The following CHRNA10 variants were observed in gnomAD, a reference collection of about 807,000 sequenced individuals.
CHRNA10 encodes neuronal acetylcholine receptor subunit alpha-10.
CHRNA10 carries 31 observed loss-of-function variants against 36.0 expected under a neutral mutation model. The ratio of observed to expected loss-of-function variants is 0.86; its 90% CI spans 0.65 to 1.16. The LOEUF is 1.16. CHRNA10 is among the 50% of genes most tolerant of loss of function. CHRNA10 has a pLI of 0.00. For synonymous variants in CHRNA10, 302 were observed against 287.0 expected (o/e 1.05, Z -0.53); for missense variants, 648 against 640.9 (o/e 1.01, Z -0.12).
At chr11:3,668,621 C>T (rs904910809) in intron 3 of CHRNA10, 1 of 152,192 alleles carries the variant, frequency 6.6e-6, no homozygotes, top group Non-Finnish European at 1.5e-5. Flanking sequence ...CGCTGCCTTT[C>T]GAGGCCTGGA....
chr11:3,669,939 A>G lies in CHRNA10; in HGVS notation c.64T>C (p.Cys22Arg). 1 of 1,613,908 alleles carries G rather than the reference A, an allele frequency of 6.2e-7. No individual in the cohort carries two copies. The highest frequency in any genetic ancestry group is 8.5e-7 in the Non-Finnish European group (1 of 1,179,940). The part of the protein sequence containing the change: ...LLLLFLLPAE[C>R]LGAEGRLALK... ...GCCAGCCGGCCCTCAGCTCCCAGGC[A>G]CTCTGGAGGGTCAGTAAGGAGGGTT... The change falls in exon 2 of 5, where the codon TGC becomes CGC. Residue 22 changes from cysteine (C) to arginine (R), a missense_variant and splice_region_variant. By Grantham distance (180) the Cys-to-Arg change is radical. Transcript: ENST00000250699.
At position 3,666,515 on chromosome 11, in the gene CHRNA10, G is replaced by A. The variant is rs746919498; in HGVS notation, c.945C>T (p.Leu315=). 1.9e-6 allele frequency: 3 copies of A among 1,586,978 alleles called. No individual in the cohort carries two copies. The Admixed American group carries it at 5.3e-5, about 28-fold the overall frequency. Residue 315 remains leucine (L), a synonymous_variant, in exon 5 of 5, where the codon CTC becomes CTT. Coordinates refer to ENST00000250699, the MANE Select transcript of CHRNA10 (RefSeq NM_020402.4). ...AATGCAGGTTCATGATAAGGATGGT[G>A]AGTGCTGTTGAGAATGTGACCATGG... The part of the protein sequence containing the change: ...TMTMVTFSTA[L]TILIMNLHYC...
rs373616972 is a variant in CHRNA10 at position 3,669,834 on chromosome 11, C to A, written c.169G>T (p.Val57Leu). Residue 57 changes from valine to leucine, a missense_variant, in exon 2 of 5, where the codon GTG becomes TTG. Coordinates refer to ENST00000250699, the MANE Select transcript of CHRNA10 (RefSeq NM_020402.4). The stretch of plus-strand genomic sequence containing the variant: ...TGGGACAGTGTCACCTCCAGGGTCA[C>A]ATTCAGAGTCTGGTCTGTGTCTGCC... ...PVADTDQTLNVTLEVTLSQII... is the reference protein window; with the variant it reads ...PVADTDQTLNLTLEVTLSQII... The A allele has an allele frequency of 4.5e-5, 73 of 1,614,056 alleles. No homozygotes were observed. Among genetic ancestry groups the A allele is most frequent in the Non-Finnish European group, 6.1e-5 (72 of 1,180,028 alleles).
At chr11:3,671,183 G>A (rs2077711109) in intron 1 of CHRNA10, 69 bp downstream of exon 1, 10 of 1,467,100 alleles carry the variant, frequency 6.8e-6, no homozygotes, top group Non-Finnish European at 9.6e-6. Context: ...TACATGGAAA[G>A]GGATTTTGGG....
chr11:3,666,297 C>T lies in CHRNA10; in HGVS notation c.1163G>A (p.Cys388Tyr), dbSNP rs1433991712. Residue 388 changes from cysteine (C) to tyrosine (Y), a missense_variant, in exon 5 of 5, where the codon TGT becomes TAT. By Grantham distance (194) the Cys-to-Tyr change is radical. Coordinates refer to ENST00000250699, the MANE Select transcript of CHRNA10 (RefSeq NM_020402.4). ...CAGTAGGGCTTCCTGGCGGCACAGA[C>T]ATCGTGGCTCGTGGCAAGGGCCCGC... ...PPAGPCHEPR[C>Y]LCRQEALLHH... 1.2e-6 allele frequency: 2 copies of T among 1,613,434 alleles called. No individual in the cohort carries two copies. Among genetic ancestry groups the T allele is most frequent in the East Asian group, 4.5e-5 (2 of 44,888 alleles).
rs2077701735 is a variant in CHRNA10, at chr11:3,669,933, C to G, written c.70G>C (p.Gly24Arg). 6.2e-7 allele frequency: 1 copy of G among 1,614,038 alleles called. No homozygotes were observed. Among genetic ancestry groups the G allele is most frequent in the South Asian group, 1.1e-5 (1 of 91,084 alleles). ...LLFLLPAECLGAEGRLALKLF... is the reference protein window; with the variant it reads ...LLFLLPAECLRAEGRLALKLF... ...TTGAGAGCCAGCCGGCCCTCAGCTC[C>G]CAGGCACTCTGGAGGGTCAGTAAGG... Residue 24 changes from glycine (G) to arginine (R), a missense_variant, in exon 2 of 5, where the codon GGA (glycine) becomes CGA (arginine). Physicochemically the swap from Gly to Arg is moderately radical, Grantham distance 125. Transcript: ENST00000250699.
chr11:3,668,189 C>G (rs998030276), intron 3 of CHRNA10, among the ~76,000 whole-genome samples: 1 of 152,208 alleles, frequency 6.6e-6, no homozygotes, highest in East Asian at 1.9e-4. Flanking sequence ...GAACTAAGGC[C>G]TCTCCCATGA....
rs763873348 is a variant in CHRNA10 at position 3,669,900 on chromosome 11, G to C, written c.103C>G (p.Arg35Gly). ...AEGRLALKLF[R>G]DLFANYTSAL... The stretch of plus-strand genomic sequence containing the variant: ...CTTGTGTAGTTGGCAAAGAGGTCAC[G>C]GAACAGCTTGAGAGCCAGCCGGCCC... Residue 35 changes from arginine (R) to glycine (G), a missense_variant, in exon 2 of 5, where the codon CGT (arginine) becomes GGT (glycine). Transcript: ENST00000250699. 6.2e-7 allele frequency: 1 copy of C among 1,614,146 alleles called. No individual in the cohort carries two copies. The highest frequency in any genetic ancestry group is 1.7e-5 in the Admixed American group (1 of 60,018).
In CHRNA10 at chr11:3,665,938, T is replaced by C; in HGVS notation, c.*169A>G. 1 of 561,486 alleles carries C rather than the reference T, an allele frequency of 1.8e-6. No individual in the cohort carries two copies. Among genetic ancestry groups the C allele is most frequent in the African/African-American group, 1.9e-5 (1 of 53,290 alleles). 34.8% of individuals were successfully genotyped at this position (561,486 alleles called of 1,614,324 possible). ...GGCTCTGGACTTCCTTTAGTTAGGG[T>C]GTGTAGACAATGAGTGCTCCCTTGT... On this transcript the variant is annotated 3_prime_UTR_variant, in exon 5 of 5. Coordinates refer to ENST00000250699, the MANE Select transcript of CHRNA10 (RefSeq NM_020402.4).
At chr11:3,666,654 C>T in intron 4 of CHRNA10, 90 bp from the exon 5 acceptor site, 1 of 1,027,286 alleles carries the variant, frequency 9.7e-7, no homozygotes, top group East Asian at 2.6e-5. Flanking sequence ...GGAAATAAGC[C>T]CACCATGAAG....
Position 3,667,468 on chromosome 11 carries a change from G to T in CHRNA10, c.659C>A (p.Ser220Tyr). Residue 220 changes from serine (S) to tyrosine (Y), a missense_variant, in exon 4 of 5, where the codon TCC becomes TAC. By Grantham distance (144) the Ser-to-Tyr change is moderately radical. Transcript: ENST00000250699. Reference protein sequence around the residue: ...RRRVLTYGCCSEPYPDVTFTL... With the variant: ...RRRVLTYGCCYEPYPDVTFTL... Reference sequence around the variant, plus strand: ...GAAGGTGACGTCGGGGTAGGGCTCGGAGCAGCAGCCGTAGGTGAGCACGCG... The same window carrying T: ...GAAGGTGACGTCGGGGTAGGGCTCGTAGCAGCAGCCGTAGGTGAGCACGCG... 6.3e-7 allele frequency: 1 copy of T among 1,592,776 alleles called. No homozygotes were observed.
rs995273623 is a variant in CHRNA10 at position 3,669,423 on chromosome 11, T to G, written c.208-73A>C. On this transcript the variant is annotated intron_variant, in intron 2 of 4. Transcript: ENST00000250699. The stretch of plus-strand genomic sequence containing the variant: ...CCTGCCCTGTCTGTGCACACTCCCC[T>G]GCAGGGCTCTGGTCAGCACCCACAA... 1.5e-5 allele frequency: 24 copies of G among 1,551,526 alleles called. No homozygotes were observed. The Admixed American group carries it at 1.8e-4, about 11-fold the overall frequency.
rs2133976326 is a variant in CHRNA10 at position 3,669,919 on chromosome 11, C to A, written c.84G>T (p.Arg28=). 6.2e-7 allele frequency: 1 copy of A among 1,614,172 alleles called. No homozygotes were observed. The highest frequency in any genetic ancestry group is 1.7e-4 in the Middle Eastern group (1 of 6,060). ...LPAECLGAEG[R]LALKLFRDLF... ...GGTCACGGAACAGCTTGAGAGCCAG[C>A]CGGCCCTCAGCTCCCAGGCACTCTG... The change falls in exon 2 of 5, where the codon CGG becomes CGT. Residue 28 remains arginine, a synonymous_variant. Coordinates refer to ENST00000250699, the MANE Select transcript of CHRNA10 (RefSeq NM_020402.4).
chr11:3,670,047 C>T (rs1376890464), intron 1 of CHRNA10, 106 bp from the exon 2 acceptor site: 4 of 1,244,746 alleles, frequency 3.2e-6, no homozygotes, highest in African/African-American at 3.0e-5. Context: ...GAGTGTCCTC[C>T]TGGTGTCTGC....
intron 3 of CHRNA10, chr11:3,668,941 G>A (rs2077691791): frequency 2.4e-6 from 1 of 409,108 alleles, no homozygotes; most frequent in East Asian, 4.2e-5. Flanking sequence ...AGAGGCCCTT[G>A]TGATTCAGAC....
chr11:3,669,127 C>G, intron 3 of CHRNA10, 69 bp downstream of exon 3: 2 of 1,510,966 alleles, frequency 1.3e-6, no homozygotes. Context: ...GAGGGGATCA[C>G]TACACCCCCA....
chr11:3,666,553 T>A lies in CHRNA10; in HGVS notation c.907A>T (p.Met303Leu). The A allele has an allele frequency of 6.5e-7, 1 of 1,539,146 alleles. No homozygotes were observed. Among genetic ancestry groups the A allele is most frequent in the Non-Finnish European group, 8.8e-7 (1 of 1,142,342 alleles). Residue 303 changes from methionine (M) to leucine (L), a missense_variant, in exon 5 of 5, where the codon ATG becomes TTG. Coordinates refer to ENST00000250699, the MANE Select transcript of CHRNA10 (RefSeq NM_020402.4). ...ESVPLIGKYY[M>L]ATMTMVTFST... ...AATGTGACCATGGTCATAGTGGCCATGTAGTACTTCCCTGCAAGAGAGAGA... is the reference window on the plus strand; with the variant it reads ...AATGTGACCATGGTCATAGTGGCCAAGTAGTACTTCCCTGCAAGAGAGAGA...
At position 3,669,255 on chromosome 11, in the gene CHRNA10, C is replaced by T; in HGVS notation, c.303G>A (p.Leu101=). The T allele has an allele frequency of 6.2e-7, 1 of 1,614,080 alleles. No individual in the cohort carries two copies. Among genetic ancestry groups the T allele is most frequent in the Non-Finnish European group, 8.5e-7 (1 of 1,179,986 alleles). ...LRWDPNAYGG[L]DAIRIPSSLV... is the part of the protein sequence containing the mutation. Reference sequence around the variant, plus strand: ...GACTGCTGGGGATGCGGATGGCATCCAGGCCACCATAGGCATTGGGGTCCC... The same window carrying T: ...GACTGCTGGGGATGCGGATGGCATCTAGGCCACCATAGGCATTGGGGTCCC... The change falls in exon 3 of 5, where the codon CTG becomes CTA. Residue 101 remains leucine, a synonymous_variant. Transcript: ENST00000250699.
At position 3,667,431 on chromosome 11, in the gene CHRNA10, C is replaced by T. The variant is rs576316543; in HGVS notation, c.696G>A (p.Leu232=). The T allele has an allele frequency of 3.1e-6, 5 of 1,596,614 alleles. No individual in the cohort carries two copies. The highest frequency in any genetic ancestry group is 1.7e-4 in the Middle Eastern group (1 of 5,874). ...ACACGTAGGCGGCGGCGCGGCGGCG[C>T]AGCAGCAGCGTGAAGGTGACGTCGG... ...PYPDVTFTLL[L]RRRAAAYVCN... is the part of the protein sequence containing the mutation. Residue 232 remains leucine (L), a synonymous_variant, in exon 4 of 5, where the codon CTG becomes CTA. Coordinates refer to ENST00000250699, the MANE Select transcript of CHRNA10 (RefSeq NM_020402.4).
Sources: gnomAD v4.1 joint callset for allele counts (sites outside exome capture counted in the v4.1 genomes callset) on GRCh38, gnomAD v4.1.1 for gene constraint, MANE v1.5 for transcripts, NCBI Gene and HGNC (gene_info 2026-07-23, HGNC 2026-07-21) for gene names.